Variants in SLC8B1 observed in about 807,000 individuals in gnomAD.
SLC8B1 encodes the protein solute carrier family 8 member B1.
Under a neutral mutation model 63.4 loss-of-function variants are expected in SLC8B1, and 52 were observed. The ratio of observed to expected loss-of-function variants is 0.82; its 90% CI spans 0.66 to 1.03. The LOEUF (loss-of-function observed/expected upper bound fraction) is 1.03. Ranked by LOEUF, SLC8B1 falls within the 50% of genes least tolerant of loss-of-function variation. The pLI, the probability that SLC8B1 is intolerant of heterozygous loss-of-function variation, is 0.00. For synonymous variants in SLC8B1, 336 were observed against 323.9 expected, an observed-to-expected ratio of 1.04 and a Z score of -0.40; for missense variants, 657 against 741.7, an observed-to-expected ratio of 0.89 and a Z score of 1.33.
Position 113,315,458 on chromosome 12 carries a change from G to A in SLC8B1, c.1012C>T (p.Leu338=), listed in dbSNP as rs1158741717. 2.5e-6 allele frequency: 4 copies of A among 1,600,632 alleles called. No homozygotes were observed. Among genetic ancestry groups the A allele is most frequent in the Non-Finnish European group, 3.4e-6 (4 of 1,174,164 alleles). The change falls in exon 11 of 16, where the codon CTG becomes TTG. Residue 338 remains leucine (L), a synonymous_variant. Transcript: ENST00000680972. ...TCCACGACGGGGACTGTGAGGAGCA[G>A]CAGGAACTCCACAGGCAGCTGTCAA... is the stretch of plus-strand genomic sequence containing the variant. ...KVFKLPVEFL[L]LLTVPVVDPD...
intron 15 of SLC8B1, among the ~76,000 whole-genome samples, chr12:113,301,809 G>C (rs537166170): frequency 2.6e-4 from 40 of 152,330 alleles, no homozygotes; most frequent in African/African-American, 9.6e-4. Context: ...AAGACCCTTA[G>C]ACTTGACTGA....
At chr12:113,322,544 T>G (rs779420091) in intron 2 of SLC8B1, among the ~76,000 whole-genome samples, 6 of 152,144 alleles carry the variant, frequency 3.9e-5, no homozygotes, top group Non-Finnish European at 7.4e-5. Flanking sequence ...GAAGAGAAAG[T>G]GCTGAATCAG....
Position 113,321,289 on chromosome 12 carries a change from A to T in SLC8B1, c.216T>A (p.Pro72=), listed in dbSNP as rs766678454. ...GGTACCCCCCATCACTGTGGCAGTC[A>T]GGGTTGGTCCGGATGAAGTCACAGC... is the stretch of plus-strand genomic sequence containing the variant. The part of the protein sequence containing the change: ...SDRCDFIRTN[P]DCHSDGGYLD... Residue 72 remains proline (P), a synonymous_variant, in exon 3 of 16, where the codon CCT becomes CCA. Transcript: ENST00000680972. 6.2e-7 allele frequency: 1 copy of T among 1,614,162 alleles called. No homozygotes were observed. The highest frequency in any genetic ancestry group is 1.3e-5 in the African/African-American group (1 of 75,040).
At position 113,320,232 on chromosome 12, in the gene SLC8B1, C is replaced by T; in HGVS notation, c.694+99G>A. On this transcript the variant is annotated intron_variant, in intron 7 of 15. Transcript: ENST00000680972. This position sits in a 1 kb window ranked among gnomAD's most constrained non-coding sequence, Gnocchi z 5.3. Reference sequence around the variant, plus strand: ...CTGTCACTTGTAATCAAATCAAAGCCCCCACTGACCACCCCTCACACCTCT... The same window carrying T: ...CTGTCACTTGTAATCAAATCAAAGCTCCCACTGACCACCCCTCACACCTCT... 1 of 1,386,720 alleles carries T rather than the reference C, an allele frequency of 7.2e-7. No individual in the cohort carries two copies. Among genetic ancestry groups the T allele is most frequent in the Non-Finnish European group, 9.8e-7 (1 of 1,019,958 alleles). 85.9% of individuals were successfully genotyped at this position (1,386,720 alleles called of 1,614,324 possible).
intron 8 of SLC8B1, among the ~76,000 whole-genome samples, chr12:113,317,209 C>T (rs546137031): frequency 3.0e-4 from 45 of 152,118 alleles, no homozygotes; most frequent in Non-Finnish European, 5.3e-4. Context: ...ACTCAATCCT[C>T]CCACCTCAAC....
Position 113,316,996 on chromosome 12 carries a change from G to C in SLC8B1, c.808C>G (p.Leu270Val). The C allele has an allele frequency of 1.2e-6, 2 of 1,612,750 alleles. No homozygotes were observed. The highest frequency in any genetic ancestry group is 1.7e-6 in the Non-Finnish European group (2 of 1,179,562). The change falls in exon 9 of 16, where the codon CTC (leucine) becomes GTC (valine). Residue 270 changes from leucine to valine, a missense_variant. Coordinates refer to ENST00000680972, the MANE Select transcript of SLC8B1 (RefSeq NM_001358345.2). ...ACCCGGTCCTCCTCGGAGTCTGAGA[G>C]GATCTCTGCAGGAGAGAGGCCCAGT... ...FCPMPVTPEILSDSEEDRVSS... is the reference protein window; with the variant it reads ...FCPMPVTPEIVSDSEEDRVSS...
In SLC8B1 at chr12:113,310,223, G is replaced by A. The variant is rs375120219; in HGVS notation, c.1257+11C>T. ...CCTCCCCCCCCATCTCGGAGAACCC[G>A]GGCTTCTTACCCAGTGAAGCCTGGG... On this transcript the variant is annotated intron_variant, in intron 12 of 15. Transcript: ENST00000680972. The A allele has an allele frequency of 2.2e-5, 35 of 1,612,326 alleles. No homozygotes were observed. The African/African-American group carries it at 3.1e-4, about 14-fold the overall frequency.
intron 1 of SLC8B1, among the ~76,000 whole-genome samples, chr12:113,333,418 C>T (rs1957084439): frequency 1.3e-5 from 2 of 152,222 alleles, no homozygotes; most frequent in South Asian, 2.1e-4. Flanking sequence ...AGAGGCTTGC[C>T]CACCACATTT....
intron 8 of SLC8B1, 87 bp downstream of exon 8, chr12:113,318,877 G>A: frequency 1.0e-6 from 1 of 986,660 alleles, no homozygotes; most frequent in South Asian, 1.4e-5. Flanking sequence ...TGGGGACAAT[G>A]GCCTCAGGAG....
rs548909732 is a variant in SLC8B1, at chr12:113,299,401, C to T, written c.*376G>A. 53 of 248,352 alleles carry T rather than the reference C, an allele frequency of 2.1e-4. 1 individual carries two copies. The highest frequency in any genetic ancestry group is 1.8e-3 in the South Asian group (34 of 18,542). 15.4% of individuals were successfully genotyped at this position (248,352 alleles called of 1,614,324 possible). A position where few individuals can be genotyped will look rare whatever the true frequency, so the allele number is the denominator to read the frequency against. ...AGGCCTGAAGCCCAGGCAAGGGGAA[C>T]GGGCAGTGCCTGTGCCTCGGGGGTA... On this transcript the variant is annotated 3_prime_UTR_variant, in exon 16 of 16. Transcript: ENST00000680972.
rs1957110831 is a variant in SLC8B1, at chr12:113,335,021, C to G, written c.-661G>C. The G allele has an allele frequency of 6.6e-6, 1 of 152,306 alleles. No individual in the cohort carries two copies. The highest frequency in any genetic ancestry group is 2.4e-5 in the African/African-American group (1 of 41,474). 9.4% of individuals were successfully genotyped at this position (152,306 alleles called of 1,614,324 possible). A position where few individuals can be genotyped will look rare whatever the true frequency, so the allele number is the denominator to read the frequency against. ...GGGCCGGGCCTGGGACCAGCAAACTCCGAACCTCGACCTCGCAGGGCCTCG... is the reference window on the plus strand; with the variant it reads ...GGGCCGGGCCTGGGACCAGCAAACTGCGAACCTCGACCTCGCAGGGCCTCG... On this transcript the variant is annotated 5_prime_UTR_variant, in exon 1 of 16. Transcript: ENST00000680972.
chr12:113,303,288 C>A (rs890765652), intron 15 of SLC8B1, among the ~76,000 whole-genome samples: 10 of 152,162 alleles, frequency 6.6e-5, no homozygotes, highest in African/African-American at 2.4e-4. Context: ...AGGGTGTTTA[C>A]CTTTCAGAAA....
intron 12 of SLC8B1, 160 bp from the exon 13 acceptor site, chr12:113,308,004 G>C (rs1043613100): frequency 1.2e-6 from 1 of 814,380 alleles, no homozygotes; most frequent in Middle Eastern, 2.8e-4. Context: ...TGCAAAGTTA[G>C]TGCTCAATAA....
chr12:113,321,405 T>G lies in SLC8B1; in HGVS notation c.157-57A>C. On this transcript the variant is annotated intron_variant, in intron 2 of 15. Coordinates refer to ENST00000680972, the MANE Select transcript of SLC8B1 (RefSeq NM_001358345.2). ...GCAGAGACTTCCCTGAGAACTAGAC[T>G]AGGCCCATCTAAGCAGCTAAACATA... 1.9e-6 allele frequency: 3 copies of G among 1,610,196 alleles called. No homozygotes were observed. The South Asian group carries it at 3.3e-5, about 18-fold the overall frequency.
chr12:113,307,547 C>T, intron 13 of SLC8B1, 144 bp downstream of exon 13: 1 of 1,014,900 alleles, frequency 9.9e-7, no homozygotes, highest in African/African-American at 1.6e-5. Context: ...ATGCTGGCCA[C>T]TCCACAGTGA....
Position 113,316,110 on chromosome 12 carries a change from G to A in SLC8B1, c.993+416C>T, listed in dbSNP as rs367615484. Among the ~76,000 whole-genome samples the A allele has an allele frequency of 6.6e-5, 10 of 152,188 alleles. No individual in the cohort carries two copies. In the East Asian group the frequency reaches 1.9e-3, roughly 29 times the overall value. On this transcript the variant is annotated intron_variant, in intron 10 of 15. Transcript: ENST00000680972. ...GTGGTGGCGGGCGCCTATAGTCCCA[G>A]CTACTCAGGAGGCTGAGGCAGGAGA...
chr12:113,316,678 T>A, intron 9 of SLC8B1, 22 bp from the exon 10 acceptor site: 2 of 1,610,778 alleles, frequency 1.2e-6, no homozygotes, highest in Non-Finnish European at 1.7e-6. Context: ...GGTCGGGTGG[T>A]GAGGTGTGCC....
At chr12:113,318,414 T>C (rs1956870493) in intron 8 of SLC8B1, among the ~76,000 whole-genome samples, 1 of 151,584 alleles carries the variant, frequency 6.6e-6, no homozygotes, top group South Asian at 2.1e-4. Context: ...GTGCATATAT[T>C]TGTATGTGTG....
At chr12:113,303,100 G>A (rs868375492) in intron 15 of SLC8B1, among the ~76,000 whole-genome samples, 1 of 137,206 alleles carries the variant, frequency 7.3e-6, no homozygotes, top group Non-Finnish European at 1.6e-5. Flanking sequence ...CCTAAACTCA[G>A]CACAAAGGCG....
Sources: allele counts gnomAD v4.1 joint callset (sites outside exome capture counted in the v4.1 genomes callset), GRCh38; gene constraint gnomAD v4.1.1; non-coding constraint Gnocchi (gnomAD v3.1); transcripts MANE v1.5; gene names NCBI Gene and HGNC (gene_info 2026-07-23, HGNC 2026-07-21).